CNTLN: variants seen among roughly 807,000 people sequenced by gnomAD.
CNTLN encodes the protein centlein.
A neutral mutation model predicts 180.0 loss-of-function variants in CNTLN; 212 were observed. The observed-to-expected ratio is 1.18, with a 90% CI of 1.05 to 1.32. The LOEUF is 1.32. Among genes scored for constraint, CNTLN ranks in the 40% most tolerant of loss-of-function variants. The pLI is 0.00. For synonymous variants in CNTLN, 722 were observed against 563.1 expected (o/e 1.28, Z -3.99); for missense variants, 2,095 against 1,610.9 (o/e 1.30, Z -5.14).
intron 1 of CNTLN, among the ~76,000 whole-genome samples, chr9:17,141,024 C>G (rs945915426): frequency 6.6e-6 from 1 of 152,086 alleles, no homozygotes; most frequent in Non-Finnish European, 1.5e-5. Flanking sequence ...TAAGCAGCAA[C>G]AGACTGGGAA....
chr9:17,437,178 T>A (rs1829828166), intron 18 of CNTLN, among the ~76,000 whole-genome samples: 2 of 152,238 alleles, frequency 1.3e-5, no homozygotes, highest in Admixed American at 1.3e-4. Context: ...GAATTGGACG[T>A]GACTGTCTTA....
intron 23 of CNTLN, among the ~76,000 whole-genome samples, chr9:17,467,673 A>G (rs186118400): frequency 4.6e-4 from 70 of 151,778 alleles, no homozygotes; most frequent in African/African-American, 1.6e-3. Flanking sequence ...ATTTTAGTAA[A>G]TGTAATTTAC....
chr9:17,409,040 G>C (rs1285068133), intron 15 of CNTLN, among the ~76,000 whole-genome samples: 1 of 152,140 alleles, frequency 6.6e-6, no homozygotes, highest in African/African-American at 2.4e-5. Flanking sequence ...TTAACACTTG[G>C]TTGAAGTACT....
chr9:17,296,844 T>C (rs1420591894), intron 6 of CNTLN, among the ~76,000 whole-genome samples: 2 of 152,196 alleles, frequency 1.3e-5, no homozygotes, highest in Non-Finnish European at 2.9e-5. Flanking sequence ...TTGAGAACAT[T>C]AATGTTCTAA....
At chr9:17,212,129 T>G (rs1375313504) in intron 2 of CNTLN, among the ~76,000 whole-genome samples, 4 of 152,214 alleles carry the variant, frequency 2.6e-5, no homozygotes, top group Non-Finnish European at 5.9e-5. Flanking sequence ...CCCTGTCTTG[T>G]GCCAGTTTTC....
At chr9:17,356,981 A>AGT (rs949659272) in intron 12 of CNTLN, among the ~76,000 whole-genome samples, 4 of 151,672 alleles carry the variant, frequency 2.6e-5, no homozygotes, top group African/African-American at 4.8e-5. Flanking sequence ...ATGTATTATG[A>AGT]GTGTGTGTGT....
chr9:17,479,547 G>A (rs1229133125), intron 23 of CNTLN, among the ~76,000 whole-genome samples: 1 of 152,098 alleles, frequency 6.6e-6, no homozygotes, highest in Non-Finnish European at 1.5e-5. Context: ...ACTGAGAAAT[G>A]GGGAATTTTT....
rs140240277 is a variant in CNTLN, at chr9:17,315,929, C to G, written c.1341+6677C>G. On this transcript the variant is annotated intron_variant, in intron 8 of 25. Transcript: ENST00000380647. ...GAGATGTTGAATTTTTCCAACCATACTTGTAGGTTTGTCTATTTCTCCTTT... is the reference window on the plus strand; with the variant it reads ...GAGATGTTGAATTTTTCCAACCATAGTTGTAGGTTTGTCTATTTCTCCTTT... Among the ~76,000 whole-genome samples the G allele has an allele frequency of 1.6e-3, 229 of 146,538 alleles. 1 individual carries two copies. Among genetic ancestry groups the G allele is most frequent in the African/African-American group, 5.5e-3 (222 of 40,004 alleles).
chr9:17,444,226 G>A (rs1830274204), intron 18 of CNTLN: 1 of 152,218 alleles, frequency 6.6e-6, no homozygotes, highest in Admixed American at 6.5e-5. Context: ...TGCAGCTCTG[G>A]CCATGCGTAT....
At chr9:17,338,987 T>C (rs1224506394) in intron 10 of CNTLN, among the ~76,000 whole-genome samples, 1 of 152,222 alleles carries the variant, frequency 6.6e-6, no homozygotes, top group Non-Finnish European at 1.5e-5. Flanking sequence ...TTACTTCATA[T>C]ATTAAACTAT....
intron 2 of CNTLN, among the ~76,000 whole-genome samples, chr9:17,156,882 C>T (rs1036917513): frequency 3.9e-5 from 6 of 152,164 alleles, no homozygotes; most frequent in Admixed American, 1.3e-4. Flanking sequence ...AGCCTATGGA[C>T]TTAATCCTTT....
intron 10 of CNTLN, among the ~76,000 whole-genome samples, chr9:17,334,990 C>G (rs1022630051): frequency 6.6e-6 from 1 of 151,182 alleles, no homozygotes; most frequent in Non-Finnish European, 1.5e-5. Flanking sequence ...CCAGTTTGAG[C>G]CCAAAAACTA....
At chr9:17,461,883 G>C (rs1013460431) in intron 19 of CNTLN, among the ~76,000 whole-genome samples, 17 of 151,692 alleles carry the variant, frequency 1.1e-4, no homozygotes, top group African/African-American at 3.1e-4. Flanking sequence ...CATTTAGTTG[G>C]AACTAGAGTC....
chr9:17,294,298 C>A (rs190151532), intron 6 of CNTLN, among the ~76,000 whole-genome samples: 1 of 152,162 alleles, frequency 6.6e-6, no homozygotes, highest in Non-Finnish European at 1.5e-5. Flanking sequence ...TCTGGCCCCA[C>A]CCACATCCTG....
chr9:17,239,690 A>G (rs1825371714), intron 5 of CNTLN, among the ~76,000 whole-genome samples: 1 of 152,112 alleles, frequency 6.6e-6, no homozygotes, highest in Non-Finnish European at 1.5e-5. Flanking sequence ...TGTATGTGTT[A>G]TTTAGTTGTT....
At chr9:17,426,605 A>G (rs1829099423) in intron 18 of CNTLN, among the ~76,000 whole-genome samples, 1 of 151,818 alleles carries the variant, frequency 6.6e-6, no homozygotes, top group African/African-American at 2.4e-5. Flanking sequence ...AATCTTTTTT[A>G]TGAACTCTTG....
chr9:17,409,381 G>A lies in CNTLN; in HGVS notation c.2704G>A (p.Asp902Asn). 1 of 1,613,270 alleles carries A rather than the reference G, an allele frequency of 6.2e-7. No individual in the cohort carries two copies. Among genetic ancestry groups the A allele is most frequent in the Non-Finnish European group, 8.5e-7 (1 of 1,179,534 alleles). Residue 902 changes from aspartate to asparagine, a missense_variant, in exon 16 of 26, where the codon GAC (aspartate) becomes AAC (asparagine). Physicochemically the swap from Asp to Asn is conservative, Grantham distance 23. Coordinates refer to ENST00000380647, the MANE Select transcript of CNTLN (RefSeq NM_017738.4). ...QKISPTEDGK[D>N]QKESDPTEDS... is the part of the protein sequence containing the mutation. Reference sequence around the variant, plus strand: ...AATAAGTCCTACGGAAGATGGAAAAGACCAGAAAGAAAGTGATCCAACAGA... The same window carrying A: ...AATAAGTCCTACGGAAGATGGAAAAAACCAGAAAGAAAGTGATCCAACAGA...
chr9:17,345,308 G>T (rs1268869795), intron 12 of CNTLN, among the ~76,000 whole-genome samples: 1 of 152,036 alleles, frequency 6.6e-6, no homozygotes, highest in Admixed American at 6.6e-5. Flanking sequence ...ATGAAATCCA[G>T]TTTCAAACCA....
intron 2 of CNTLN, among the ~76,000 whole-genome samples, chr9:17,178,837 C>T (rs1483849770): frequency 6.6e-6 from 1 of 152,164 alleles, no homozygotes; most frequent in African/African-American, 2.4e-5. Flanking sequence ...TCCCACAGTG[C>T]AGCGGTGGGC....
Sources: allele counts gnomAD v4.1 joint callset (sites outside exome capture counted in the v4.1 genomes callset), GRCh38; gene constraint gnomAD v4.1.1; transcripts MANE v1.5; gene names NCBI Gene and HGNC (gene_info 2026-07-23, HGNC 2026-07-21).